The following LAMP2 variants were observed in gnomAD, a reference collection of about 807,000 sequenced individuals.
LAMP2 encodes lysosome-associated membrane glycoprotein 2.
A neutral mutation model predicts 25.6 loss-of-function variants in LAMP2; 4 were observed. The ratio of observed to expected loss-of-function variants is 0.16; its 90% CI spans 0.08 to 0.36. The LOEUF is 0.36. Among genes scored for constraint, LAMP2 ranks in the 10% least tolerant of loss-of-function variants. The pLI, the probability that LAMP2 is intolerant of heterozygous loss-of-function variation, is 1.00. For synonymous variants in LAMP2, 108 were observed against 112.7 expected, an observed-to-expected ratio of 0.96 and a Z score of 0.27; for missense variants, 272 against 301.4, an observed-to-expected ratio of 0.90 and a Z score of 0.72.
chrX:120,445,535 A>C (rs759207863), intron 6 of LAMP2, among the ~76,000 whole-genome samples: 3 of 112,425 alleles, frequency 2.7e-5, no homozygotes, highest in Non-Finnish European at 5.6e-5. Context: ...TTTTAGTTTG[A>C]GAATAGTTGG....
At position 120,429,209 on chromosome X, in the gene LAMP2, G is replaced by C; in HGVS notation, c.*2114C>G. 1.3e-6 allele frequency: 1 copy of C among 751,887 alleles called. No homozygotes were observed. Among genetic ancestry groups the C allele is most frequent in the Non-Finnish European group, 1.6e-6 (1 of 638,817 alleles). The allele number at this position is 751,887 out of a possible 1,213,427, so 62.0% of individuals were successfully genotyped here. A position where few individuals can be genotyped will look rare whatever the true frequency, so the allele number is the denominator to read the frequency against. The stretch of plus-strand genomic sequence containing the variant: ...ACACAATTATTTTTAGCTGAGCGGT[G>C]GCCTGGAAGAATAACAGCAGTATCT... On this transcript the variant is annotated 3_prime_UTR_variant, in exon 9 of 9. Coordinates refer to ENST00000200639, the MANE Select transcript of LAMP2 (RefSeq NM_002294.3).
intron 8 of LAMP2, among the ~76,000 whole-genome samples, chrX:120,440,673 G>C (rs947082508): frequency 8.9e-6 from 1 of 112,050 alleles, no homozygotes; most frequent in African/African-American, 3.2e-5. Flanking sequence ...CACAAATCTG[G>C]ACTTAAAATT....
At chrX:120,431,682 G>A (rs1285597247) in intron 8 of LAMP2, among the ~76,000 whole-genome samples, 2 of 112,660 alleles carry the variant, frequency 1.8e-5, no homozygotes, top group Non-Finnish European at 3.8e-5. Context: ...TAAAAATGCA[G>A]TCATTTTGGA....
intron 3 of LAMP2, among the ~76,000 whole-genome samples, chrX:120,454,447 C>T (rs2147286007): frequency 9.1e-6 from 1 of 110,282 alleles, no homozygotes; most frequent in South Asian, 3.9e-4. Flanking sequence ...TTAACTTTTA[C>T]ACATTTAAAA....
chrX:120,439,987 A>G (rs2058564732), intron 8 of LAMP2, among the ~76,000 whole-genome samples: 1 of 111,414 alleles, frequency 9.0e-6, no homozygotes, highest in South Asian at 3.8e-4. Context: ...TGGCCTTTAC[A>G]TTTTTAAATG....
rs1323485755 is a variant in LAMP2, at chrX:120,429,090, G to GTA, written c.*2231_*2232dup. Reference sequence around the variant, plus strand: ...TATATATATACATATATATGTGTGTGTATATATATGTGTATATATATGTAT... The same window carrying GTA: ...TATATATATACATATATATGTGTGTGTATATATATATGTGTATATATATGTAT... On this transcript the variant is annotated 3_prime_UTR_variant, in exon 9 of 9. Transcript: ENST00000200639. 2 of 495,222 alleles carry GTA rather than the reference G, an allele frequency of 4.0e-6. No individual in the cohort carries two copies. The highest frequency in any genetic ancestry group is 1.8e-4 in the East Asian group (1 of 5,523). 40.8% of individuals were successfully genotyped at this position (495,222 alleles called of 1,213,427 possible). A position where few individuals can be genotyped will look rare whatever the true frequency, so the allele number is the denominator to read the frequency against.
chrX:120,456,504 T>C, intron 2 of LAMP2, 147 bp downstream of exon 2: 1 of 402,622 alleles, frequency 2.5e-6, no homozygotes, highest in Non-Finnish European at 4.4e-6. Flanking sequence ...ACAGAATAAC[T>C]TCTGAGTGTG....
At position 120,428,466 on chromosome X, in the gene LAMP2, A is replaced by C. The variant is rs143420310; in HGVS notation, c.*2857T>G. On this transcript the variant is annotated 3_prime_UTR_variant, in exon 9 of 9. Coordinates refer to ENST00000200639, the MANE Select transcript of LAMP2 (RefSeq NM_002294.3). The stretch of plus-strand genomic sequence containing the variant: ...AACTTCTAATTGAAAAAAACAAACA[A>C]ACACTAGATTTAACTGATTACACAG... The C allele has an allele frequency of 5.5e-5, 63 of 1,147,292 alleles. No homozygotes were observed. The highest frequency in any genetic ancestry group is 1.1e-4 in the African/African-American group (6 of 53,792). 94.5% of individuals were successfully genotyped at this position (1,147,292 alleles called of 1,213,427 possible).
chrX:120,455,100 T>C (rs1421037290), intron 3 of LAMP2, among the ~76,000 whole-genome samples: 1 of 104,166 alleles, frequency 9.6e-6, no homozygotes, highest in Non-Finnish European at 1.9e-5. Flanking sequence ...TACTAGGATA[T>C]ATATAGTAAG....
chrX:120,429,919 A>C lies in LAMP2; in HGVS notation c.*1404T>G. 4.0e-6 allele frequency: 3 copies of C among 752,245 alleles called. No individual in the cohort carries two copies. Among genetic ancestry groups the C allele is most frequent in the Non-Finnish European group, 4.7e-6 (3 of 637,326 alleles). 62.0% of individuals were successfully genotyped at this position (752,245 alleles called of 1,213,427 possible). A position where few individuals can be genotyped will look rare whatever the true frequency, so the allele number is the denominator to read the frequency against. ...AAGCAATAACTTGTACTTTTCTTCTAATTTTAACTTTTCCTCCTCTTGTAC... is the reference window on the plus strand; with the variant it reads ...AAGCAATAACTTGTACTTTTCTTCTCATTTTAACTTTTCCTCCTCTTGTAC... On this transcript the variant is annotated 3_prime_UTR_variant, in exon 9 of 9. Coordinates refer to ENST00000200639, the MANE Select transcript of LAMP2 (RefSeq NM_002294.3).
rs1003736941 is a variant in LAMP2, at chrX:120,429,593, TTAC to T, written c.*1727_*1729del. On this transcript the variant is annotated 3_prime_UTR_variant, in exon 9 of 9. Coordinates refer to ENST00000200639, the MANE Select transcript of LAMP2 (RefSeq NM_002294.3). ...ATTAAAATAGAAGTGTTTTGGTATA[TTAC>T]TACTGAAAAAGCCCATATTAGTATT... is the stretch of plus-strand genomic sequence containing the variant. The T allele has an allele frequency of 4.0e-6, 3 of 746,496 alleles. No homozygotes were observed. In the African/African-American group the frequency reaches 7.0e-5, roughly 18 times the overall value. 61.5% of individuals were successfully genotyped at this position (746,496 alleles called of 1,213,427 possible). A position where few individuals can be genotyped will look rare whatever the true frequency, so the allele number is the denominator to read the frequency against.
chrX:120,466,633 T>A (rs1298118291), intron 1 of LAMP2, among the ~76,000 whole-genome samples: 1 of 111,658 alleles, frequency 9.0e-6, no homozygotes, highest in African/African-American at 3.3e-5. Context: ...TCAGGACCCC[T>A]TTACTTTCTT....
At chrX:120,468,839 C>G (rs1031921085) in intron 1 of LAMP2, among the ~76,000 whole-genome samples, 1 of 111,361 alleles carries the variant, frequency 9.0e-6, no homozygotes, top group African/African-American at 3.3e-5. Context: ...TGACCCTCTC[C>G]ACGCTTCACT....
At chrX:120,443,708 G>A (rs1354255636) in intron 6 of LAMP2, among the ~76,000 whole-genome samples, 5 of 112,016 alleles carry the variant, frequency 4.5e-5, no homozygotes, top group Non-Finnish European at 9.4e-5. Flanking sequence ...CCCAGCCATG[G>A]ACTTTAGATG....
chrX:120,440,249 A>C (rs2058566066), intron 8 of LAMP2, among the ~76,000 whole-genome samples: 1 of 111,661 alleles, frequency 9.0e-6, no homozygotes, highest in African/African-American at 3.3e-5. Flanking sequence ...AAGTCAAGAA[A>C]ACTGGGACCT....
intron 8 of LAMP2, chrX:120,437,348 C>G (rs2058549601): frequency 1.2e-5 from 9 of 739,342 alleles, no homozygotes; most frequent in Non-Finnish European, 3.2e-6. Flanking sequence ...CATTCAATGT[C>G]AATATTTTGG....
At chrX:120,446,808 T>C (rs770926706) in intron 5 of LAMP2, among the ~76,000 whole-genome samples, 2 of 110,847 alleles carry the variant, frequency 1.8e-5, no homozygotes, top group Non-Finnish European at 3.8e-5. Context: ...TACTCGGGCA[T>C]GTCTACACGA....
chrX:120,452,523 T>C (rs1446617465), intron 3 of LAMP2, among the ~76,000 whole-genome samples: 1 of 110,665 alleles, frequency 9.0e-6, no homozygotes, highest in African/African-American at 3.3e-5. Flanking sequence ...ACGGGAACAC[T>C]TTTAAATCAG....
In LAMP2 at chrX:120,439,268, G is replaced by A. The variant is rs2058560855; in HGVS notation, c.1093+2462C>T. The A allele has an allele frequency of 8.3e-6, 10 of 1,209,619 alleles. No homozygotes were observed. The highest frequency in any genetic ancestry group is 1.0e-5 in the Non-Finnish European group (9 of 893,546). On this transcript the variant is annotated intron_variant, in intron 8 of 8. Coordinates refer to ENST00000200639, the MANE Select transcript of LAMP2 (RefSeq NM_002294.3). ...CAACTATAATTGGGATTAGAATGGT[G>A]TCATCATCCAGCGAACACTCTTGGG...
Sources: gnomAD v4.1 joint callset for allele counts (sites outside exome capture counted in the v4.1 genomes callset) on GRCh38, gnomAD v4.1.1 for gene constraint, MANE v1.5 for transcripts, NCBI Gene and HGNC (gene_info 2026-07-23, HGNC 2026-07-21) for gene names.